DST: variants seen among roughly 807,000 people sequenced by gnomAD.
DST encodes the protein bullous pemphigoid antigen.
A neutral mutation model predicts 875.2 loss-of-function variants in DST; 253 were observed. The ratio of observed to expected loss-of-function variants is 0.29; its 90% CI spans 0.26 to 0.32. DST has a LOEUF of 0.32. Among genes scored for constraint, DST ranks in the 10% least tolerant of loss-of-function variants. The probability of loss-of-function intolerance (pLI) is 1.00; values close to 1 mark genes in which losing one functional copy is unlikely to be tolerated. For missense variants in DST, 8,287 were observed against 9,111.6 expected (o/e 0.91, Z 3.68); for synonymous variants, 3,124 against 3,197.1 (o/e 0.98, Z 0.77).
chr6:56,701,168 A>T (rs556104701), intron 8 of DST, among the ~76,000 whole-genome samples: 19 of 148,878 alleles, frequency 1.3e-4, no homozygotes, highest in East Asian at 3.9e-4. Flanking sequence ...CAAACTATTT[A>T]AAAAAAAAAT....
chr6:56,634,927 G>A lies in DST; in HGVS notation c.3213C>T (p.Tyr1071=). The A allele has an allele frequency of 6.2e-7, 1 of 1,612,970 alleles. No homozygotes were observed. Among genetic ancestry groups the A allele is most frequent in the Non-Finnish European group, 8.5e-7 (1 of 1,179,396 alleles). The change falls in exon 25 of 104, where the codon TAC becomes TAT. Residue 1071 remains tyrosine, a synonymous_variant. Coordinates refer to ENST00000680361, the MANE Select transcript of DST (RefSeq NM_001374736.1). ...CCATTAGGTTTGCTATAGTGCTTTT[G>A]TACTGCAGAAGTTCTTCTTTCTCTT... ...SMEEKEELLQ[Y]KSTIANLMGK... is the part of the protein sequence containing the mutation.
intron 71 of DST, among the ~76,000 whole-genome samples, chr6:56,516,455 T>C (rs1443051784): frequency 6.6e-6 from 1 of 152,134 alleles, no homozygotes; most frequent in African/African-American, 2.4e-5. Context: ...TTGTAGAGTA[T>C]AAATAAATAA....
At chr6:56,635,535 ACTAAT>A (rs1464989535) in intron 24 of DST, 49 bp downstream of exon 24, 41 of 1,578,248 alleles carry the variant, frequency 2.6e-5, no homozygotes, top group African/African-American at 1.5e-4. Flanking sequence ...CATATAAAAC[ACTAAT>A]CTAATCACTT....
At position 56,492,197 on chromosome 6, in the gene DST, G is replaced by C. The variant is rs545477367; in HGVS notation, c.20757+30C>G. 30 of 1,591,144 alleles carry C rather than the reference G, an allele frequency of 1.9e-5. No individual in the cohort carries two copies. The South Asian group carries it at 2.7e-4, about 14-fold the overall frequency. On this transcript the variant is annotated intron_variant, in intron 85 of 103. Coordinates refer to ENST00000680361, the MANE Select transcript of DST (RefSeq NM_001374736.1). ...ACAGCAAGAAGTGGTTTATTGACAA[G>C]TTCAGAGAATTTTTCTAAAGGGTTA...
chr6:56,521,498 T>C (rs2096703905), intron 69 of DST, among the ~76,000 whole-genome samples: 2 of 143,116 alleles, frequency 1.4e-5, no homozygotes, highest in African/African-American at 5.2e-5. Flanking sequence ...AAAAAAACTT[T>C]CCAGCAATAA....
intron 4 of DST, among the ~76,000 whole-genome samples, chr6:56,736,956 T>C (rs1289198569): frequency 6.6e-6 from 1 of 152,096 alleles, no homozygotes; most frequent in Non-Finnish European, 1.5e-5. Flanking sequence ...GGCAAATTGT[T>C]TGAGCCCAGG....
At chr6:56,893,562 C>CTTTTTTTTTTTTTTTTTTTTTTTTT (rs1282483681) in intron 3 of DST, among the ~76,000 whole-genome samples, 27 of 35,888 alleles carry the variant, frequency 7.5e-4, no homozygotes, top group Non-Finnish European at 8.6e-4. Context: ...ACTTTTAGTT[C>CTTTTTTTTTTTTTTTTTTTTTTTTT]TTTTTTTTTT....
intron 58 of DST, among the ~76,000 whole-genome samples, chr6:56,559,997 T>C (rs914033317): frequency 4.6e-5 from 7 of 152,028 alleles, no homozygotes; most frequent in African/African-American, 1.7e-4. Context: ...CACCAAAAGC[T>C]AGGAAAAAGA....
At chr6:56,600,319 T>C in intron 44 of DST, 98 bp from the exon 45 acceptor site, 1 of 1,182,304 alleles carries the variant, frequency 8.5e-7, no homozygotes, top group Non-Finnish European at 1.2e-6. Flanking sequence ...AAGTTTTGTC[T>C]AATAAGCTTT....
At chr6:56,736,481 T>C (rs1240612509) in intron 4 of DST, among the ~76,000 whole-genome samples, 1 of 152,174 alleles carries the variant, frequency 6.6e-6, no homozygotes, top group African/African-American at 2.4e-5. Flanking sequence ...ACTTTCTTAT[T>C]TCCTTCTTCT....
intron 9 of DST, among the ~76,000 whole-genome samples, chr6:56,698,202 C>G (rs983236469): frequency 6.6e-6 from 1 of 152,090 alleles, no homozygotes; most frequent in Non-Finnish European, 1.5e-5. Context: ...CTAGACCTAC[C>G]TAGACTCTGA....
intron 103 of DST, among the ~76,000 whole-genome samples, chr6:56,459,764 G>A (rs558620774): frequency 1.3e-5 from 2 of 152,268 alleles, no homozygotes; most frequent in Admixed American, 6.5e-5. Flanking sequence ...ATTATTTTGC[G>A]AAGCAATGTG....
chr6:56,710,026 T>C (rs1341183838), intron 5 of DST, among the ~76,000 whole-genome samples: 1 of 152,184 alleles, frequency 6.6e-6, no homozygotes, highest in Admixed American at 6.5e-5. Flanking sequence ...GTTAAGAAGC[T>C]TGAACTTTTC....
intron 14 of DST, 22 bp downstream of exon 14, chr6:56,646,060 GACAAT>G (rs765879332): frequency 1.1e-4 from 176 of 1,572,400 alleles, no homozygotes; most frequent in Middle Eastern, 3.4e-4. Context: ...GACTATGCTT[GACAAT>G]ACAAAGCAAA....
In DST at chr6:56,627,301, C is replaced by A. The variant is rs777002782; in HGVS notation, c.4639-14G>T. ...GGACACCAGCATCTATAAATATACA[C>A]AGTTTAGAACAAAAATGACAAGGAA... On this transcript the variant is annotated splice_polypyrimidine_tract_variant and intron_variant, in intron 33 of 103. Transcript: ENST00000680361. 2 of 1,577,396 alleles carry A rather than the reference C, an allele frequency of 1.3e-6. No individual in the cohort carries two copies. The highest frequency in any genetic ancestry group is 1.7e-5 in the Admixed American group (1 of 59,932).
In DST at chr6:56,482,038, T is replaced by C. The variant is rs1196919986; in HGVS notation, c.21531+12A>G. 3.1e-6 allele frequency: 5 copies of C among 1,612,312 alleles called. No homozygotes were observed. The highest frequency in any genetic ancestry group is 2.7e-5 in the African/African-American group (2 of 75,034). Reference sequence around the variant, plus strand: ...CTAATTTAGCTTTACATAGCATTTATATATTACTCACTTTATGCTGATCAA... The same window carrying C: ...CTAATTTAGCTTTACATAGCATTTACATATTACTCACTTTATGCTGATCAA... On this transcript the variant is annotated intron_variant, in intron 90 of 103. Transcript: ENST00000680361.
intron 47 of DST, among the ~76,000 whole-genome samples, chr6:56,596,718 T>C (rs2098392152): frequency 6.6e-6 from 1 of 152,152 alleles, no homozygotes; most frequent in Non-Finnish European, 1.5e-5. Context: ...ACAAAATAAA[T>C]AGACCTGCAA....
Position 56,606,100 on chromosome 6 carries a change from A to G in DST, c.8528T>C (p.Ile2843Thr), listed in dbSNP as rs1451173992. Reference sequence around the variant, plus strand: ...ATTTTCATCACTGTTTTCATTTAAAATAGAGGCACACAACTGGATATCCAT... The same window carrying G: ...ATTTTCATCACTGTTTTCATTTAAAGTAGAGGCACACAACTGGATATCCAT... ...EDMDIQLCAS[I>T]LNENSDENEN... The change falls in exon 40 of 104, where the codon ATT becomes ACT. Residue 2843 changes from isoleucine to threonine, a missense_variant. Transcript: ENST00000680361. 4 of 1,612,962 alleles carry G rather than the reference A, an allele frequency of 2.5e-6. No homozygotes were observed. The highest frequency in any genetic ancestry group is 3.4e-6 in the Non-Finnish European group (4 of 1,179,288).
At chr6:56,782,637 G>C (rs975428517) in intron 4 of DST, among the ~76,000 whole-genome samples, 3 of 151,870 alleles carry the variant, frequency 2.0e-5, no homozygotes, top group African/African-American at 7.3e-5. Flanking sequence ...AGTCTTGCTA[G>C]CGGTCTATCA....
Sources: allele counts gnomAD v4.1 joint callset (sites outside exome capture counted in the v4.1 genomes callset), GRCh38; gene constraint gnomAD v4.1.1; transcripts MANE v1.5; gene names NCBI Gene and HGNC (gene_info 2026-07-23, HGNC 2026-07-21).